NFATC3: variants seen among roughly 807,000 people sequenced by gnomAD.
NFATC3 encodes the protein nuclear factor of activated T-cells, cytoplasmic 3.
In NFATC3, 46 loss-of-function variants were observed where a neutral mutation model predicts 98.6. The observed-to-expected ratio is 0.47, with a 90% CI of 0.37 to 0.60. The LOEUF (loss-of-function observed/expected upper bound fraction) is 0.60. Among genes scored for constraint, NFATC3 ranks in the 20% least tolerant of loss-of-function variants. The pLI, the probability that NFATC3 is intolerant of heterozygous loss-of-function variation, is 0.00. For missense variants in NFATC3, 1,256 were observed against 1,295.5 expected, an observed-to-expected ratio of 0.97 and a Z score of 0.47; for synonymous variants, 512 against 472.2, an observed-to-expected ratio of 1.08 and a Z score of -1.09.
intron 9 of NFATC3, chr16:68,209,870 C>A: frequency 3.6e-6 from 1 of 277,128 alleles, no homozygotes; most frequent in South Asian, 3.2e-5. Flanking sequence ...CACACACACT[C>A]ACAGTCACAC....
At chr16:68,162,226 G>A (rs545428391) in intron 4 of NFATC3, among the ~76,000 whole-genome samples, 124 of 152,324 alleles carry the variant, frequency 8.1e-4, no homozygotes, top group African/African-American at 2.9e-3. Flanking sequence ...GGGGCAACTA[G>A]GATGTTACTA....
intron 4 of NFATC3, among the ~76,000 whole-genome samples, chr16:68,162,269 A>G (rs1383799882): frequency 6.6e-6 from 1 of 152,226 alleles, no homozygotes; most frequent in Non-Finnish European, 1.5e-5. Context: ...TACTGTAGAT[A>G]CCAGGGTAGC....
chr16:68,156,710 C>A (rs1028969934), intron 3 of NFATC3, among the ~76,000 whole-genome samples: 1 of 152,002 alleles, frequency 6.6e-6, no homozygotes. Context: ...GAGGTCGAGG[C>A]GGGCAGATCA....
At chr16:68,156,229 C>T (rs1044196461) in intron 3 of NFATC3, among the ~76,000 whole-genome samples, 1 of 152,072 alleles carries the variant, frequency 6.6e-6, no homozygotes, top group Non-Finnish European at 1.5e-5. Context: ...GCAGGAGAAT[C>T]GCTTGACCCT....
rs778080041 is a variant in NFATC3, at chr16:68,167,237, G to C, written c.1774+222G>C. Among the ~76,000 whole-genome samples, 62 of 152,292 alleles carry C rather than the reference G, an allele frequency of 4.1e-4. 1 individual carries two copies. Among genetic ancestry groups the C allele is most frequent in the Middle Eastern group, 3.4e-3 (1 of 294 alleles). The stretch of plus-strand genomic sequence containing the variant: ...CATGATAGTTTGACTAGGTAGCTCT[G>C]TGAACTACAGACAACCTCTCTTGAC... On this transcript the variant is annotated intron_variant, in intron 5 of 9. Transcript: ENST00000346183.
intron 1 of NFATC3, among the ~76,000 whole-genome samples, chr16:68,103,683 T>C (rs1049678355): frequency 5.9e-5 from 9 of 152,254 alleles, no homozygotes; most frequent in Admixed American, 2.0e-4. Context: ...TTAGCTCTTA[T>C]ATTTAGGTTG....
At chr16:68,196,250 G>T (rs551117604) in intron 9 of NFATC3, among the ~76,000 whole-genome samples, 2 of 152,158 alleles carry the variant, frequency 1.3e-5, no homozygotes, top group African/African-American at 2.4e-5. Flanking sequence ...CCCCCGAGTA[G>T]CTGGGACTAC....
intron 9 of NFATC3, among the ~76,000 whole-genome samples, chr16:68,222,747 G>A (rs1472782978): frequency 1.3e-5 from 2 of 152,182 alleles, no homozygotes; most frequent in Non-Finnish European, 2.9e-5. Context: ...TGTTTCCTCA[G>A]TGGCAAGGTT....
intron 3 of NFATC3, among the ~76,000 whole-genome samples, chr16:68,153,049 A>T (rs1368474884): frequency 6.6e-6 from 1 of 152,210 alleles, no homozygotes; most frequent in Non-Finnish European, 1.5e-5. Flanking sequence ...GAAAAAGCAG[A>T]TATCGAATGT....
At chr16:68,142,719 T>C (rs1315704609) in intron 3 of NFATC3, among the ~76,000 whole-genome samples, 1 of 151,902 alleles carries the variant, frequency 6.6e-6, no homozygotes, top group African/African-American at 2.4e-5. Flanking sequence ...GATCATGCCA[T>C]TGCACTTCAG....
intron 1 of NFATC3, among the ~76,000 whole-genome samples, chr16:68,088,167 G>T (rs551167507): frequency 1.3e-5 from 2 of 151,770 alleles, no homozygotes; most frequent in African/African-American, 4.8e-5. Context: ...GTAGAATTCA[G>T]ATCCTTGCTG....
intron 6 of NFATC3, among the ~76,000 whole-genome samples, chr16:68,176,272 G>A (rs556181563): frequency 2.1e-4 from 32 of 152,082 alleles, no homozygotes; most frequent in Non-Finnish European, 3.8e-4. Context: ...TACCGCACCC[G>A]GCTGTAACCC....
chr16:68,167,807 GTTCTTTT>G (rs2039269022), intron 5 of NFATC3, among the ~76,000 whole-genome samples: 1 of 23,588 alleles, frequency 4.2e-5, no homozygotes, highest in Non-Finnish European at 1.0e-4. Flanking sequence ...AACCGTATGT[GTTCTTTT>G]TTTTTTTTTT....
At chr16:68,224,300 A>T (rs1229726173) in intron 9 of NFATC3, among the ~76,000 whole-genome samples, 4 of 139,880 alleles carry the variant, frequency 2.9e-5, no homozygotes, top group Non-Finnish European at 6.1e-5. Flanking sequence ...TTTTTGAGAC[A>T]GAGTCTCACT....
At position 68,158,000 on chromosome 16, in the gene NFATC3, A is replaced by G. The variant is rs1567525322; in HGVS notation, c.1533A>G (p.Gln511=). 1 of 1,613,842 alleles carries G rather than the reference A, an allele frequency of 6.2e-7. No individual in the cohort carries two copies. Residue 511 remains glutamine (Q), a synonymous_variant, in exon 4 of 10, where the codon CAA becomes CAG. Coordinates refer to ENST00000346183, the MANE Select transcript of NFATC3 (RefSeq NM_173165.3). ...GGAAGACAGTCGCTACTGCAAGCCA[A>G]GAGATAATAATTGCCAGTACAAAAG... ...ITGKTVATAS[Q]EIIIASTKVL...
intron 1 of NFATC3, among the ~76,000 whole-genome samples, chr16:68,105,218 G>A (rs1437729563): frequency 1.3e-5 from 2 of 150,740 alleles, no homozygotes; most frequent in African/African-American, 4.9e-5. Flanking sequence ...AGCCTCCCAA[G>A]TAGGTGGGAT....
At chr16:68,158,572 GTTTAGTGT>G (rs2038729427) in intron 4 of NFATC3, among the ~76,000 whole-genome samples, 1 of 152,102 alleles carries the variant, frequency 6.6e-6, no homozygotes, top group Non-Finnish European at 1.5e-5. Flanking sequence ...ACAGTTAGGG[GTTTAGTGT>G]TTTATCACAT....
intron 1 of NFATC3, among the ~76,000 whole-genome samples, chr16:68,112,646 G>A (rs13338864): frequency 2.0e-5 from 2 of 97,644 alleles, no homozygotes; most frequent in Admixed American, 1.3e-4. Context: ...TTTCTTTTTC[G>A]TTTTTTTTTT....
intron 1 of NFATC3, among the ~76,000 whole-genome samples, chr16:68,098,291 A>AT (rs2035130046): frequency 5.1e-4 from 55 of 107,832 alleles, no homozygotes; most frequent in African/African-American, 1.8e-3. Flanking sequence ...TATTATTATT[A>AT]TTATTATTAT....
Sources: allele counts gnomAD v4.1 joint callset (sites outside exome capture counted in the v4.1 genomes callset), GRCh38; gene constraint gnomAD v4.1.1; transcripts MANE v1.5; gene names NCBI Gene and HGNC (gene_info 2026-07-23, HGNC 2026-07-21).